Variants in NBEA observed in about 807,000 individuals in gnomAD.
NBEA encodes neurobeachin, also known as lysosomal-trafficking regulator 2.
Under a neutral mutation model 343.4 loss-of-function variants are expected in NBEA, and 44 were observed. That is an observed-to-expected ratio of 0.13 (90% CI 0.10 to 0.16). The LOEUF (loss-of-function observed/expected upper bound fraction) is 0.16. NBEA is among the 10% of genes least tolerant of loss of function. NBEA has a pLI of 1.00. For synonymous variants in NBEA, 1,175 were observed against 1,238.7 expected (o/e 0.95, Z 1.08); for missense variants, 2,555 against 3,631.3 (o/e 0.70, Z 7.62).
At chr13:35,594,947 TCACACACACACACACACACACACACA>T (rs71196581) in intron 47 of NBEA, among the ~76,000 whole-genome samples, 1 of 111,052 alleles carries the variant, frequency 9.0e-6, no homozygotes, top group Admixed American at 8.4e-5. Context: ...TTTGACATCA[TCACACACACACACACACACACACACA>T]CACACACACA....
intron 58 of NBEA, among the ~76,000 whole-genome samples, chr13:35,669,961 T>C (rs902749964): frequency 2.0e-5 from 3 of 151,892 alleles, no homozygotes; most frequent in Non-Finnish European, 2.9e-5. Context: ...ATATTCAAAG[T>C]TGCAGTAGTA....
intron 1 of NBEA, among the ~76,000 whole-genome samples, chr13:34,987,410 T>C (rs1434508021): frequency 6.6e-6 from 1 of 150,960 alleles, no homozygotes; most frequent in Non-Finnish European, 1.5e-5. Flanking sequence ...GACCTTTCTC[T>C]CTGGCTGCCC....
intron 35 of NBEA, among the ~76,000 whole-genome samples, chr13:35,305,845 T>A (rs2036856030): frequency 6.6e-6 from 1 of 152,206 alleles, no homozygotes; most frequent in Admixed American, 6.5e-5. Flanking sequence ...CAAGAGTCAG[T>A]GATAAATTTT....
At chr13:35,170,494 TAAG>T (rs2070378979) in intron 25 of NBEA, among the ~76,000 whole-genome samples, 1 of 151,754 alleles carries the variant, frequency 6.6e-6, no homozygotes, top group Non-Finnish European at 1.5e-5. Flanking sequence ...CAAAACAAAA[TAAG>T]AAATGTTGAC....
chr13:35,666,212 G>A (rs2085346712), intron 56 of NBEA, among the ~76,000 whole-genome samples: 1 of 152,034 alleles, frequency 6.6e-6, no homozygotes, highest in Non-Finnish European at 1.5e-5. Context: ...TAATCGAGGT[G>A]ATGAGATAGA....
At chr13:35,157,398 A>C (rs181174219) in intron 21 of NBEA, 128 bp downstream of exon 21, 1 of 705,964 alleles carries the variant, frequency 1.4e-6, no homozygotes. Flanking sequence ...TCAGTTTTGT[A>C]TTTTTCCCTC....
At chr13:35,151,821 T>C (rs534553103) in intron 18 of NBEA, among the ~76,000 whole-genome samples, 2 of 152,228 alleles carry the variant, frequency 1.3e-5, no homozygotes, top group South Asian at 4.2e-4. Context: ...GAAACTTATC[T>C]TTTAAATTCT....
chr13:35,121,634 A>C (rs1350351137), intron 16 of NBEA, among the ~76,000 whole-genome samples: 1 of 152,162 alleles, frequency 6.6e-6, no homozygotes, highest in African/African-American at 2.4e-5. Flanking sequence ...CTTCCAAAGG[A>C]AATAATCACT....
At chr13:35,210,149 T>G (rs970480018) in intron 32 of NBEA, among the ~76,000 whole-genome samples, 2 of 152,050 alleles carry the variant, frequency 1.3e-5, no homozygotes, top group Non-Finnish European at 2.9e-5. Context: ...AGACAAGTCA[T>G]GATGTTTTCT....
intron 31 of NBEA, among the ~76,000 whole-genome samples, chr13:35,207,347 T>G (rs979651149): frequency 6.6e-6 from 1 of 152,054 alleles, no homozygotes; most frequent in African/African-American, 2.4e-5. Context: ...TAGAGATGCA[T>G]TAAAAAGATG....
chr13:34,978,609 A>G (rs1374195540), intron 1 of NBEA, among the ~76,000 whole-genome samples: 1 of 152,148 alleles, frequency 6.6e-6, no homozygotes, highest in Non-Finnish European at 1.5e-5. Flanking sequence ...ACTCCTTTCC[A>G]GTTAATCCCT....
chr13:35,044,874 T>A, intron 2 of NBEA, 73 bp from the exon 3 acceptor site: 1 of 1,138,206 alleles, frequency 8.8e-7, no homozygotes, highest in Non-Finnish European at 1.3e-6. Context: ...ACTTTTTTCT[T>A]TCAAAAAGTA....
intron 1 of NBEA, among the ~76,000 whole-genome samples, chr13:34,991,705 G>A (rs577458737): frequency 6.6e-6 from 1 of 152,100 alleles, no homozygotes; most frequent in Non-Finnish European, 1.5e-5. Context: ...GATGTACTAA[G>A]GACATATATT....
At position 35,536,581 on chromosome 13, in the gene NBEA, A is replaced by G. The variant is rs1213302925; in HGVS notation, c.6586-13896A>G. Among the ~76,000 whole-genome samples the G allele has an allele frequency of 5.9e-5, 9 of 152,202 alleles. No homozygotes were observed. In the East Asian group the frequency reaches 7.7e-4, roughly 13 times the overall value. On this transcript the variant is annotated intron_variant, in intron 41 of 58. Transcript: ENST00000379939. Reference sequence around the variant, plus strand: ...AAGTAACATCTGATAATAACACTTTATATTAGAAAATTGTCAGCTGCAAGT... The same window carrying G: ...AAGTAACATCTGATAATAACACTTTGTATTAGAAAATTGTCAGCTGCAAGT...
At chr13:35,620,217 A>T (rs934423090) in intron 48 of NBEA, among the ~76,000 whole-genome samples, 1 of 152,104 alleles carries the variant, frequency 6.6e-6, no homozygotes, top group Non-Finnish European at 1.5e-5. Flanking sequence ...ACAATTTTTT[A>T]AAAGTGAAAT....
At chr13:35,155,132 TAA>T (rs753159286) in intron 18 of NBEA, among the ~76,000 whole-genome samples, 6 of 61,886 alleles carry the variant, frequency 9.7e-5, no homozygotes, top group African/African-American at 1.3e-4. Flanking sequence ...ATTCTGTCTC[TAA>T]AAAAAAAAAA....
chr13:35,017,001 G>A (rs186236739), intron 1 of NBEA, among the ~76,000 whole-genome samples: 1 of 152,234 alleles, frequency 6.6e-6, no homozygotes, highest in East Asian at 1.9e-4. Context: ...AGGTTTTGTC[G>A]ACTGTGAGAA....
chr13:35,362,601 C>T (rs933593345), intron 38 of NBEA, among the ~76,000 whole-genome samples: 4 of 151,936 alleles, frequency 2.6e-5, no homozygotes, highest in African/African-American at 9.7e-5. Flanking sequence ...TCTAAGATGA[C>T]TCACCCATGC....
At chr13:35,646,198 G>C in intron 50 of NBEA, 61 bp from the exon 51 acceptor site, 1 of 1,272,158 alleles carries the variant, frequency 7.9e-7, no homozygotes, top group Non-Finnish European at 1.1e-6. Flanking sequence ...TTGTCAAAGA[G>C]TGTGTTGGCC....
Sources: allele counts gnomAD v4.1 joint callset (sites outside exome capture counted in the v4.1 genomes callset), GRCh38; gene constraint gnomAD v4.1.1; transcripts MANE v1.5; gene names NCBI Gene and HGNC (gene_info 2026-07-23, HGNC 2026-07-21).